Variants in RPS19 observed in about 807,000 individuals in gnomAD.
RPS19 encodes the protein ribosomal protein S19, also known as small ribosomal subunit protein eS19.
A neutral mutation model predicts 20.3 loss-of-function variants in RPS19; 1 was observed. The ratio of observed to expected loss-of-function variants is 0.05; its 90% confidence interval spans 0.02 to 0.23. RPS19 has a LOEUF of 0.23. Among genes scored for constraint, RPS19 ranks in the 10% least tolerant of loss-of-function variants. The pLI is 1.00. For missense variants in RPS19, 111 were observed against 192.7 expected (o/e 0.58, Z 2.51); for synonymous variants, 87 against 74.8 (o/e 1.16, Z -0.84).
At chr19:41,870,914 G>A (rs1488072496) in intron 5 of RPS19, among the ~76,000 whole-genome samples, 3 of 133,632 alleles carry the variant, frequency 2.2e-5, no homozygotes, top group Non-Finnish European at 3.1e-5. Context: ...CCAGGCTGGA[G>A]TGCAGTGGTG....
intron 3 of RPS19, among the ~76,000 whole-genome samples, chr19:41,862,586 T>C (rs1301322362): frequency 4.6e-5 from 7 of 152,086 alleles, no homozygotes; most frequent in African/African-American, 1.7e-4. Context: ...TGAAGACACG[T>C]TCTGCACATA....
chr19:41,866,912 G>A (rs969677446), intron 3 of RPS19, among the ~76,000 whole-genome samples: 1 of 152,120 alleles, frequency 6.6e-6, no homozygotes, highest in African/African-American at 2.4e-5. Flanking sequence ...AGCTACTCTG[G>A]AGGCTGAGGC....
In RPS19 at chr19:41,869,136, G is replaced by C. The variant is rs1253528744; in HGVS notation, c.278G>C (p.Ser93Thr). 3.7e-6 allele frequency: 6 copies of C among 1,613,872 alleles called. No homozygotes were observed. In the Admixed American group the frequency reaches 1.0e-4, roughly 27 times the overall value. The change falls in exon 4 of 6, where the codon AGC (serine) becomes ACC (threonine). Residue 93 changes from serine to threonine, a missense_variant. Physicochemically the swap from Ser to Thr is moderately conservative, Grantham distance 58 (BLOSUM62 1). Transcript: ENST00000598742. The stretch of plus-strand genomic sequence containing the variant: ...AACGGCGTCATGCCCAGCCACTTCA[G>C]CCGAGGCTCCAAGAGTGTGGCCCGC... ...QRNGVMPSHF[S>T]RGSKSVARRV...
In RPS19 at chr19:41,869,744, C is replaced by T. The variant is rs782628715; in HGVS notation, c.402C>T (p.Ile134=). 5 of 1,614,044 alleles carry T rather than the reference C, an allele frequency of 3.1e-6. No homozygotes were observed. The African/African-American group carries it at 4.0e-5, about 13-fold the overall frequency. Residue 134 remains isoleucine (I), a synonymous_variant, in exon 5 of 6, where the codon ATC becomes ATT. Coordinates refer to ENST00000598742, the MANE Select transcript of RPS19 (RefSeq NM_001022.4). ...TPQGQRDLDR[I]AGQVAAANKK... is the part of the protein sequence containing the mutation. ...AGGGACAAAGAGATCTGGACAGAATCGCCGGACAGGTAAGGCCTGCGTTTG... is the reference window on the plus strand; with the variant it reads ...AGGGACAAAGAGATCTGGACAGAATTGCCGGACAGGTAAGGCCTGCGTTTG...
Position 41,872,486 on chromosome 19 carries a change from G to C in RPS19, c.*1109G>C, listed in dbSNP as rs561589755. On this transcript the variant is annotated 3_prime_UTR_variant, in exon 6 of 6. Coordinates refer to ENST00000598742, the MANE Select transcript of RPS19 (RefSeq NM_001022.4). ...TTATCCTCTGAGCCTTCGTCTCCTC[G>C]TGTGTAAGCCTGCTAACTCCTGAGA... 1 of 152,274 alleles carries C rather than the reference G, an allele frequency of 6.6e-6. No homozygotes were observed. Among genetic ancestry groups the C allele is most frequent in the Non-Finnish European group, 1.5e-5 (1 of 68,072 alleles). The allele number at this position is 152,274 out of a possible 1,614,324, so 9.4% of individuals were successfully genotyped here. A position where few individuals can be genotyped will look rare whatever the true frequency, so the allele number is the denominator to read the frequency against.
chr19:41,868,324 T>C (rs1303151272), intron 3 of RPS19, among the ~76,000 whole-genome samples: 3 of 152,042 alleles, frequency 2.0e-5, no homozygotes, highest in African/African-American at 7.3e-5. Context: ...TTTCACTCTT[T>C]AAAGGAGAGT....
intron 3 of RPS19, chr19:41,861,541 A>C: frequency 5.3e-6 from 2 of 379,362 alleles, no homozygotes; most frequent in South Asian, 2.2e-5. Flanking sequence ...CATCTTTTAC[A>C]TCTGGCTGTG....
At chr19:41,871,008 A>G (rs1348171814) in intron 5 of RPS19, among the ~76,000 whole-genome samples, 1 of 151,550 alleles carries the variant, frequency 6.6e-6, no homozygotes, top group East Asian at 1.9e-4. Context: ...GACTACAGGC[A>G]CACACCACCA....
At chr19:41,863,467 C>A (rs2074054002) in intron 3 of RPS19, among the ~76,000 whole-genome samples, 1 of 152,154 alleles carries the variant, frequency 6.6e-6, no homozygotes, top group African/African-American at 2.4e-5. Context: ...AAACTAGGTT[C>A]CCTGCTATAT....
At chr19:41,860,728 G>A in intron 1 of RPS19, 47 bp from the exon 2 acceptor site, 1 of 1,422,296 alleles carries the variant, frequency 7.0e-7, no homozygotes, top group Non-Finnish European at 9.9e-7. Context: ...GCTCTTGGCA[G>A]TCGTCTCTGC....
chr19:41,867,035 G>A (rs576896683), intron 3 of RPS19, among the ~76,000 whole-genome samples: 4 of 150,718 alleles, frequency 2.7e-5, no homozygotes, highest in Admixed American at 1.3e-4. Context: ...AAAAAATATC[G>A]GGGCCAGCAC....
chr19:41,861,392 C>T (rs2074030574), intron 3 of RPS19, 180 bp downstream of exon 3: 1 of 630,790 alleles, frequency 1.6e-6, no homozygotes, highest in Non-Finnish European at 2.9e-6. Flanking sequence ...GTTTTTATGA[C>T]ATTCTAAGAG....
At chr19:41,865,083 A>G (rs1471769027) in intron 3 of RPS19, among the ~76,000 whole-genome samples, 1 of 152,194 alleles carries the variant, frequency 6.6e-6, no homozygotes, top group Non-Finnish European at 1.5e-5. Flanking sequence ...ATACAGCCTT[A>G]AGAAAAATTT....
At chr19:41,871,226 G>A (rs888054136) in intron 5 of RPS19, 125 bp from the exon 6 acceptor site, 4 of 823,080 alleles carry the variant, frequency 4.9e-6, no homozygotes, top group Non-Finnish European at 8.7e-6. Flanking sequence ...AGAATTAGAT[G>A]AGATAGATGC....
intron 3 of RPS19, among the ~76,000 whole-genome samples, chr19:41,862,871 G>T (rs2074046586): frequency 6.6e-6 from 1 of 152,112 alleles, no homozygotes; most frequent in African/African-American, 2.4e-5. Flanking sequence ...AGCTGTCCTA[G>T]CGGCATAGGA....
intron 3 of RPS19, chr19:41,864,630 A>G (rs1485729744): frequency 6.6e-6 from 1 of 152,376 alleles, no homozygotes; most frequent in Non-Finnish European, 1.5e-5. Flanking sequence ...AACTCACAGT[A>G]GAGTGGAGAG....
intron 1 of RPS19, 162 bp from the exon 2 acceptor site, chr19:41,860,613 C>G (rs543189328): frequency 1.3e-6 from 1 of 746,296 alleles, no homozygotes; most frequent in East Asian, 2.5e-5. Context: ...TGAGCTCCTT[C>G]AGACCCGCAG....
Position 41,871,646 on chromosome 19 carries a change from G to A in RPS19, c.*269G>A. ...AGAGGCGCTTCCTCCCTTCCCTTGG[G>A]TGAGGGGGCCCAGGGTGATTGGGTG... On this transcript the variant is annotated 3_prime_UTR_variant, in exon 6 of 6. Transcript: ENST00000598742. 2.1e-6 allele frequency: 1 copy of A among 478,068 alleles called. No homozygotes were observed. Among genetic ancestry groups the A allele is most frequent in the Non-Finnish European group, 3.8e-6 (1 of 261,916 alleles). The allele number at this position is 478,068 out of a possible 1,614,324, so 29.6% of individuals were successfully genotyped here. A position where few individuals can be genotyped will look rare whatever the true frequency, so the allele number is the denominator to read the frequency against.
At chr19:41,862,709 T>C (rs2074044975) in intron 3 of RPS19, among the ~76,000 whole-genome samples, 1 of 151,936 alleles carries the variant, frequency 6.6e-6, no homozygotes, top group Admixed American at 6.6e-5. Flanking sequence ...TAAACCTAGT[T>C]GCATCTGCTG....
Sources: gnomAD v4.1 joint callset for allele counts (sites outside exome capture counted in the v4.1 genomes callset) on GRCh38, gnomAD v4.1.1 for gene constraint, MANE v1.5 for transcripts, NCBI Gene and HGNC (gene_info 2026-07-23, HGNC 2026-07-21) for gene names.